SLC41A2: variants seen among roughly 807,000 people sequenced by gnomAD.
SLC41A2 encodes the protein SLC41A1-like 1.
In SLC41A2, 32 loss-of-function variants were observed where a neutral mutation model predicts 58.3. The observed-to-expected ratio is 0.55, with a 90% confidence interval of 0.41 to 0.74. SLC41A2 has a LOEUF of 0.74. Ranked by LOEUF, SLC41A2 falls within the 30% of genes least tolerant of loss-of-function variation. The probability of loss-of-function intolerance (pLI) is 0.00; values close to 1 mark genes in which losing one functional copy is unlikely to be tolerated. For missense variants in SLC41A2, 514 were observed against 680.6 expected, an observed-to-expected ratio of 0.76 and a Z score of 2.72; for synonymous variants, 190 against 235.0, an observed-to-expected ratio of 0.81 and a Z score of 1.75.
intron 8 of SLC41A2, among the ~76,000 whole-genome samples, chr12:104,857,505 A>G (rs1277316822): frequency 6.6e-6 from 1 of 152,178 alleles, no homozygotes. Context: ...ATTACTGGGT[A>G]TACACCCAAA....
intron 6 of SLC41A2, among the ~76,000 whole-genome samples, chr12:104,882,207 A>G (rs1012589527): frequency 3.3e-5 from 5 of 151,624 alleles, no homozygotes; most frequent in Admixed American, 1.3e-4. Context: ...GAGCCTATGC[A>G]TGTCTCTGCA....
chr12:104,882,085 C>G (rs1439614761), intron 6 of SLC41A2, among the ~76,000 whole-genome samples: 2 of 151,826 alleles, frequency 1.3e-5, no homozygotes, highest in Non-Finnish European at 2.9e-5. Flanking sequence ...TTCTTTGTCT[C>G]TTTTGATTTT....
intron 10 of SLC41A2, among the ~76,000 whole-genome samples, chr12:104,819,623 T>C (rs2041547415): frequency 6.6e-6 from 1 of 152,210 alleles, no homozygotes; most frequent in Non-Finnish European, 1.5e-5. Flanking sequence ...CTATGAAGAA[T>C]GAGTACTGTG....
intron 2 of SLC41A2, among the ~76,000 whole-genome samples, chr12:104,926,425 T>C (rs986631440): frequency 6.6e-6 from 1 of 151,758 alleles, no homozygotes; most frequent in African/African-American, 2.4e-5. Context: ...ACATCTCTAC[T>C]AAAAATACAA....
chr12:104,872,213 A>C (rs1326286938), intron 6 of SLC41A2, among the ~76,000 whole-genome samples: 6 of 152,222 alleles, frequency 3.9e-5, no homozygotes, highest in African/African-American at 1.4e-4. Context: ...GTAAGTTTCC[A>C]ACTGACTCCG....
intron 1 of SLC41A2, among the ~76,000 whole-genome samples, chr12:104,934,427 G>C (rs1394754770): frequency 6.6e-6 from 1 of 151,982 alleles, no homozygotes; most frequent in Non-Finnish European, 1.5e-5. Context: ...AAACTATAAA[G>C]CAACAAAATG....
At chr12:104,825,323 C>T (rs1014837791) in intron 10 of SLC41A2, among the ~76,000 whole-genome samples, 16 of 152,168 alleles carry the variant, frequency 1.1e-4, no homozygotes, top group African/African-American at 3.6e-4. Context: ...ACAAGGGGGG[C>T]AGGAGAAAAC....
chr12:104,906,736 T>G (rs924208315), intron 3 of SLC41A2, among the ~76,000 whole-genome samples: 4 of 152,164 alleles, frequency 2.6e-5, no homozygotes, highest in Non-Finnish European at 4.4e-5. Context: ...TTAAAATGCT[T>G]TTAACGACGA....
chr12:104,833,945 A>G (rs2042124593), intron 10 of SLC41A2: 1 of 852,342 alleles, frequency 1.2e-6, no homozygotes, highest in Non-Finnish European at 1.4e-6. Context: ...CCTCTAAATC[A>G]TATCTGCAAT....
Position 104,889,085 on chromosome 12 carries a change from T to C in SLC41A2, c.828A>G (p.Ile276Met), listed in dbSNP as rs764751314. The C allele has an allele frequency of 5.0e-6, 8 of 1,610,486 alleles. No individual in the cohort carries two copies. The Admixed American group carries it at 1.2e-4, about 24-fold the overall frequency. Residue 276 changes from isoleucine to methionine, a missense_variant, in exon 5 of 11, where the codon ATA becomes ATG. Physicochemically the swap from Ile to Met is conservative, Grantham distance 10 (BLOSUM62 1). Transcript: ENST00000258538. ...PEGKYYLDHS[I>M]LLCSSSVATA... Reference sequence around the variant, plus strand: ...TTGCCACACTGCTAGAGCACAGAAGTATGGAATGATCAAGGTAATATTTTC... The same window carrying C: ...TTGCCACACTGCTAGAGCACAGAAGCATGGAATGATCAAGGTAATATTTTC...
intron 10 of SLC41A2, among the ~76,000 whole-genome samples, chr12:104,825,742 A>C (rs2041818797): frequency 6.6e-6 from 1 of 152,098 alleles, no homozygotes; most frequent in African/African-American, 2.4e-5. Flanking sequence ...AGAAAGAAAA[A>C]CCAGGTGCGA....
chr12:104,918,628 G>A (rs78475026), intron 2 of SLC41A2, among the ~76,000 whole-genome samples: 84 of 111,454 alleles, frequency 7.5e-4, no homozygotes, highest in South Asian at 1.3e-3. Flanking sequence ...GGAGATACAT[G>A]AAAAAAAAAA....
chr12:104,853,917 T>TTA (rs2042912423), intron 8 of SLC41A2, among the ~76,000 whole-genome samples: 3 of 54,430 alleles, frequency 5.5e-5, no homozygotes, highest in Non-Finnish European at 1.4e-4. Flanking sequence ...GCTGATTTTT[T>TTA]TTTTTTTTTT....
intron 3 of SLC41A2, 78 bp downstream of exon 3, chr12:104,909,577 T>G: frequency 1.0e-6 from 1 of 983,056 alleles, no homozygotes; most frequent in Non-Finnish European, 1.6e-6. Context: ...GAAAGAAATA[T>G]TTTCCTGATA....
Position 104,844,558 on chromosome 12 carries a change from G to C in SLC41A2, c.1450C>G (p.Leu484Val). The C allele has an allele frequency of 1.3e-6, 2 of 1,571,842 alleles. No homozygotes were observed. Among genetic ancestry groups the C allele is most frequent in the Non-Finnish European group, 1.7e-6 (2 of 1,158,066 alleles). The change falls in exon 10 of 11, where the codon CTC becomes GTC. Residue 484 changes from leucine (L) to valine (V), a missense_variant. This residue lies in a region of SLC41A2 where 128 missense variants were observed against 146.0 expected (regional missense o/e 0.88). Transcript: ENST00000258538. ...CTTTTCATCAAATGAATAGTGTAGA[G>C]GAAAATTAAATGTCCAGGAATCACT... The part of the protein sequence containing the change: ...LLVIPGHLIF[L>V]YTIHLMKSGH...
intron 10 of SLC41A2, among the ~76,000 whole-genome samples, chr12:104,819,690 T>C (rs976215485): frequency 2.0e-5 from 3 of 152,222 alleles, no homozygotes; most frequent in African/African-American, 7.2e-5. Context: ...CAGTCTTTCT[T>C]ACAGAGAGAG....
intron 6 of SLC41A2, among the ~76,000 whole-genome samples, chr12:104,871,846 T>C (rs1565859748): frequency 1.3e-5 from 2 of 152,176 alleles, no homozygotes; most frequent in Admixed American, 1.3e-4. Flanking sequence ...GTTTTGTCCT[T>C]AAGAAGCTTA....
chr12:104,879,733 G>A (rs7308385), intron 6 of SLC41A2, among the ~76,000 whole-genome samples: 92,819 of 151,924 alleles, frequency 0.61, 28,739 homozygotes, highest in African/African-American at 0.69. Flanking sequence ...GCAGCATGAC[G>A]CCTCCAGCTT....
upstream of SLC41A2, chr12:104,958,313 G>T (rs1246869766): frequency 6.7e-6 from 1 of 148,810 alleles, no homozygotes; most frequent in Non-Finnish European, 1.5e-5. Flanking sequence ...GGCGCCCGCG[G>T]CCCCCTGACT....
Sources: allele counts gnomAD v4.1 joint callset (sites outside exome capture counted in the v4.1 genomes callset), GRCh38; gene constraint gnomAD v4.1.1; regional missense constraint gnomAD v4.1.1; transcripts MANE v1.5; gene names NCBI Gene and HGNC (gene_info 2026-07-23, HGNC 2026-07-21).